ISM2: variants seen among roughly 807,000 people sequenced by gnomAD.
ISM2 encodes the protein isthmin 2, also known as isthmin-2.
A neutral mutation model predicts 58.0 loss-of-function variants in ISM2; 50 were observed. The ratio of observed to expected loss-of-function variants is 0.86; its 90% CI spans 0.69 to 1.09. The LOEUF (loss-of-function observed/expected upper bound fraction) is 1.09, where lower values mean the gene tolerates loss of function less well. Among genes scored for constraint, ISM2 ranks in the 50% least tolerant of loss-of-function variants. The pLI is 0.00. For missense variants in ISM2, 723 were observed against 745.0 expected, an observed-to-expected ratio of 0.97 and a Z score of 0.34; for synonymous variants, 303 against 312.4, an observed-to-expected ratio of 0.97 and a Z score of 0.32.
chr14:77,496,947 A>G (rs1378086617), intron 1 of ISM2, among the ~76,000 whole-genome samples: 3 of 151,864 alleles, frequency 2.0e-5, no homozygotes, highest in African/African-American at 7.2e-5. Flanking sequence ...CAGTCTCCCC[A>G]TTCCTTCCCA....
At chr14:77,491,262 T>A (rs1166500782) in intron 1 of ISM2, among the ~76,000 whole-genome samples, 2 of 152,132 alleles carry the variant, frequency 1.3e-5, no homozygotes, top group Non-Finnish European at 2.9e-5. Flanking sequence ...GCCTATACCC[T>A]CAACAAGCGC....
At chr14:77,495,310 T>C (rs1283236132) in intron 1 of ISM2, among the ~76,000 whole-genome samples, 1 of 152,170 alleles carries the variant, frequency 6.6e-6, no homozygotes, top group Admixed American at 6.6e-5. Flanking sequence ...ACTAATTTGT[T>C]TTCACATGTT....
At chr14:77,481,789 ATGT>A (rs2079133312) in intron 4 of ISM2, among the ~76,000 whole-genome samples, 1 of 145,596 alleles carries the variant, frequency 6.9e-6, no homozygotes, top group Admixed American at 7.1e-5. Context: ...TGAGGGTCAA[ATGT>A]TGTTCAGAAA....
At chr14:77,492,116 C>G (rs1467823747) in intron 1 of ISM2, among the ~76,000 whole-genome samples, 1 of 152,108 alleles carries the variant, frequency 6.6e-6, no homozygotes, top group Non-Finnish European at 1.5e-5. Context: ...CCCACCTTGG[C>G]CTTCCAAAGT....
At chr14:77,480,941 T>A (rs2079128476) in intron 4 of ISM2, among the ~76,000 whole-genome samples, 1 of 152,170 alleles carries the variant, frequency 6.6e-6, no homozygotes, top group Non-Finnish European at 1.5e-5. Context: ...AATAGGCACC[T>A]CTGTCCATTG....
intron 1 of ISM2, among the ~76,000 whole-genome samples, chr14:77,490,861 T>A (rs919702128): frequency 6.6e-6 from 1 of 152,100 alleles, no homozygotes; most frequent in African/African-American, 2.4e-5. Context: ...TCCAACCCTT[T>A]AGAGACTGAA....
At position 77,475,541 on chromosome 14, in the gene ISM2, A is replaced by G; in HGVS notation, c.*54T>C. On this transcript the variant is annotated 3_prime_UTR_variant, in exon 7 of 7. Coordinates refer to ENST00000342219, the MANE Select transcript of ISM2 (RefSeq NM_199296.3). This position sits in a 1 kb window ranked among gnomAD's most constrained non-coding sequence, Gnocchi z 4.1. ...GCGGGTGAGGAAAGTTCTCCCGTGCAACAGCAGCAGCCGCCTGCCCTCTCC... is the reference window on the plus strand; with the variant it reads ...GCGGGTGAGGAAAGTTCTCCCGTGCGACAGCAGCAGCCGCCTGCCCTCTCC... The G allele has an allele frequency of 8.8e-7, 1 of 1,141,932 alleles. No individual in the cohort carries two copies. The highest frequency in any genetic ancestry group is 1.2e-6 in the Non-Finnish European group (1 of 854,542). 70.7% of individuals were successfully genotyped at this position (1,141,932 alleles called of 1,614,324 possible).
chr14:77,486,080 A>G (rs13379482), intron 1 of ISM2, among the ~76,000 whole-genome samples: 13,205 of 152,256 alleles, frequency 0.087, 700 homozygotes, highest in African/African-American at 0.13. Context: ...CCTGTCTTAC[A>G]GTGGAAACTA....
intron 6 of ISM2, 82 bp downstream of exon 6, chr14:77,478,160 T>C: frequency 8.7e-7 from 1 of 1,155,508 alleles, no homozygotes; most frequent in Non-Finnish European, 1.3e-6. Context: ...AGAAGCCAGG[T>C]TCCTGCCATG....
chr14:77,494,511 C>T (rs994574962), intron 1 of ISM2, among the ~76,000 whole-genome samples: 14 of 152,062 alleles, frequency 9.2e-5, no homozygotes, highest in African/African-American at 3.1e-4. Context: ...ATTCTTCTGC[C>T]TCAGCCTCCC....
rs767488127 is a variant in ISM2 at position 77,482,563 on chromosome 14, G to A, written c.732C>T (p.Ala244=). The A allele has an allele frequency of 3.7e-6, 6 of 1,613,844 alleles. No individual in the cohort carries two copies. Among genetic ancestry groups the A allele is most frequent in the Non-Finnish European group, 4.2e-6 (5 of 1,179,938 alleles). ...AGTCTCCCCAGAGGAAGGACCAGAGGGCGGGCAGCCAGCTAAGGGTATCCT... is the reference window on the plus strand; with the variant it reads ...AGTCTCCCCAGAGGAAGGACCAGAGAGCGGGCAGCCAGCTAAGGGTATCCT... ...PPQDTLSWLP[A]LWSFLWGDYK... Residue 244 remains alanine, a synonymous_variant, in exon 4 of 7, where the codon GCC becomes GCT. Coordinates refer to ENST00000342219, the MANE Select transcript of ISM2 (RefSeq NM_199296.3).
chr14:77,480,914 C>T (rs755088119), intron 4 of ISM2, among the ~76,000 whole-genome samples: 10 of 152,076 alleles, frequency 6.6e-5, no homozygotes, highest in Non-Finnish European at 1.0e-4. Context: ...AAGAGCCTGT[C>T]ACAAGTTAGT....
At chr14:77,496,594 C>T (rs139025550) in intron 1 of ISM2, among the ~76,000 whole-genome samples, 4 of 150,626 alleles carry the variant, frequency 2.7e-5, no homozygotes, top group African/African-American at 9.8e-5. Context: ...CCAGCCAGTT[C>T]GAGACCAGCC....
intron 1 of ISM2, among the ~76,000 whole-genome samples, chr14:77,488,979 G>A (rs536009907): frequency 6.6e-6 from 1 of 152,174 alleles, no homozygotes; most frequent in East Asian, 1.9e-4. Context: ...CATTCTTTTG[G>A]GGGGTGGTGT....
chr14:77,491,682 G>A (rs1036482273), intron 1 of ISM2, among the ~76,000 whole-genome samples: 70 of 147,986 alleles, frequency 4.7e-4, no homozygotes, highest in East Asian at 2.6e-3. Context: ...ATGGGCCACC[G>A]CGTCTGGTCT....
At chr14:77,494,431 C>CT (rs1462271243) in intron 1 of ISM2, among the ~76,000 whole-genome samples, 2 of 152,076 alleles carry the variant, frequency 1.3e-5, no homozygotes, top group East Asian at 1.9e-4. Flanking sequence ...GAGACTCACT[C>CT]TGTCTCCCAG....
intron 1 of ISM2, among the ~76,000 whole-genome samples, chr14:77,487,294 GA>G (rs1727092124): frequency 6.9e-6 from 1 of 145,042 alleles, no homozygotes; most frequent in Non-Finnish European, 1.5e-5. Flanking sequence ...AAAAAGAAAA[GA>G]AAAGCAAGCA....
At chr14:77,482,248 CCT>C in intron 4 of ISM2, 72 bp downstream of exon 4, 1 of 1,175,718 alleles carries the variant, frequency 8.5e-7, no homozygotes, top group Non-Finnish European at 1.2e-6. Flanking sequence ...AAGCCTCCAC[CCT>C]CTCCCTCACC....
intron 1 of ISM2, among the ~76,000 whole-genome samples, chr14:77,492,328 A>C (rs1384978507): frequency 6.6e-6 from 1 of 152,118 alleles, no homozygotes; most frequent in Non-Finnish European, 1.5e-5. Context: ...ATCCTGGCTC[A>C]CCACATACTA....
Sources: gnomAD v4.1 joint callset for allele counts (sites outside exome capture counted in the v4.1 genomes callset) on GRCh38, gnomAD v4.1.1 for gene constraint, Gnocchi (gnomAD v3.1) non-coding constraint, MANE v1.5 for transcripts, NCBI Gene and HGNC (gene_info 2026-07-23, HGNC 2026-07-21) for gene names.